The following TMEM161B variants were observed in gnomAD, a reference collection of about 807,000 sequenced individuals.
The protein encoded by TMEM161B is transmembrane protein 161B.
Under a neutral mutation model 61.8 loss-of-function variants are expected in TMEM161B, and 34 were observed. The observed-to-expected ratio is 0.55, with a 90% CI of 0.42 to 0.73. The LOEUF (loss-of-function observed/expected upper bound fraction) is 0.73, where lower values mean the gene tolerates loss of function less well. Among genes scored for constraint, TMEM161B ranks in the 30% least tolerant of loss-of-function variants. The pLI, the probability that TMEM161B is intolerant of heterozygous loss-of-function variation, is 0.00. For synonymous variants in TMEM161B, 167 were observed against 192.8 expected (o/e 0.87, Z 1.11); for missense variants, 456 against 558.5 (o/e 0.82, Z 1.85).
At chr5:88,236,017 T>C (rs1751786989) in intron 2 of TMEM161B, among the ~76,000 whole-genome samples, 2 of 152,118 alleles carry the variant, frequency 1.3e-5, no homozygotes, top group African/African-American at 4.8e-5. Context: ...TTCCCTTAGG[T>C]CATAGGTCCC....
At chr5:88,255,252 T>A (rs919586725) in intron 1 of TMEM161B, among the ~76,000 whole-genome samples, 1 of 152,148 alleles carries the variant, frequency 6.6e-6, no homozygotes, top group Non-Finnish European at 1.5e-5. Flanking sequence ...CCAAAGCTGA[T>A]AAAAGCAGCA....
chr5:88,199,407 T>C, intron 9 of TMEM161B: 1 of 296,000 alleles, frequency 3.4e-6, no homozygotes. Context: ...CATGAGATCC[T>C]TTTCTCTATA....
chr5:88,221,890 C>T (rs769171192), intron 4 of TMEM161B: 21 of 353,508 alleles, frequency 5.9e-5, no homozygotes, highest in Non-Finnish European at 8.0e-5. Flanking sequence ...CTTGAAGATA[C>T]GATATCCTTA....
intron 5 of TMEM161B, among the ~76,000 whole-genome samples, chr5:88,209,106 G>A (rs1052289657): frequency 1.3e-5 from 2 of 152,060 alleles, no homozygotes; most frequent in Non-Finnish European, 2.9e-5. Context: ...TTGGATTTTG[G>A]AGCATTTCGG....
chr5:88,204,765 G>T (rs1440040781), intron 8 of TMEM161B, among the ~76,000 whole-genome samples: 1 of 151,400 alleles, frequency 6.6e-6, no homozygotes, highest in Admixed American at 6.6e-5. Context: ...AAAAAAAAAA[G>T]AAGAGGGATG....
At chr5:88,249,940 C>A (rs569133593) in intron 1 of TMEM161B, among the ~76,000 whole-genome samples, 1 of 152,116 alleles carries the variant, frequency 6.6e-6, no homozygotes, top group Non-Finnish European at 1.5e-5. Flanking sequence ...CCTCAGGAAC[C>A]CACAACAAAG....
chr5:88,207,834 T>C (rs1745838893), intron 5 of TMEM161B, among the ~76,000 whole-genome samples: 1 of 152,170 alleles, frequency 6.6e-6, no homozygotes, highest in South Asian at 2.1e-4. Flanking sequence ...CACCAAATTG[T>C]TCTCCTTGAA....
At chr5:88,237,989 C>T (rs1241704034) in intron 2 of TMEM161B, among the ~76,000 whole-genome samples, 1 of 152,018 alleles carries the variant, frequency 6.6e-6, no homozygotes, top group African/African-American at 2.4e-5. Context: ...GGGGACCATC[C>T]AATGCCCCCA....
chr5:88,219,891 G>C (rs1373479251), intron 5 of TMEM161B, among the ~76,000 whole-genome samples: 1 of 152,082 alleles, frequency 6.6e-6, no homozygotes, highest in African/African-American at 2.4e-5. Flanking sequence ...GATCTAGACA[G>C]GGGTAGAGGG....
At chr5:88,204,816 T>C (rs757946894) in intron 8 of TMEM161B, among the ~76,000 whole-genome samples, 16 of 149,284 alleles carry the variant, frequency 1.1e-4, no homozygotes, top group Non-Finnish European at 2.2e-4. Flanking sequence ...TAAACACATG[T>C]ACAAAGCTTA....
downstream of TMEM161B, among the ~76,000 whole-genome samples, chr5:88,191,878 A>G (rs1748913724): frequency 7.0e-6 from 1 of 143,112 alleles, no homozygotes. Context: ...AATGGCGTGA[A>G]CCCGGGAGGC....
chr5:88,220,763 A>G (rs775409442), intron 4 of TMEM161B, 44 bp from the exon 5 acceptor site: 1 of 1,504,870 alleles, frequency 6.6e-7, no homozygotes, highest in Non-Finnish European at 8.9e-7. Context: ...GTCAAAAAAA[A>G]CAGTTTCACT....
chr5:88,250,823 G>C (rs1226455992), intron 1 of TMEM161B: 1 of 152,208 alleles, frequency 6.6e-6, no homozygotes. Context: ...GTGGAAGGCT[G>C]AGAGATAGCA....
intron 9 of TMEM161B, chr5:88,202,343 G>T (rs1744574941): frequency 3.9e-6 from 1 of 258,048 alleles, no homozygotes; most frequent in African/African-American, 2.2e-5. Context: ...CCTAACTGTA[G>T]AAATATAAAC....
rs766611553 is a variant in TMEM161B at position 88,205,892 on chromosome 5, GC to G, written c.721del (p.Ala241LeufsTer3). The G allele has an allele frequency of 6.2e-7, 1 of 1,612,542 alleles. No homozygotes were observed. The highest frequency in any genetic ancestry group is 2.2e-5 in the East Asian group (1 of 44,720). On this transcript the variant is annotated frameshift_variant, in exon 8 of 12. Coordinates refer to ENST00000296595, the MANE Select transcript of TMEM161B (RefSeq NM_153354.5). LOFTEE classifies it high-confidence loss of function. The stretch of plus-strand genomic sequence containing the variant: ...TCGTAATCCAGGAAATGTCAAAAAA[GC>G]CCCAATGAATGAACAGAAAATAGCC... ...FLAIFCSFIG[A>X]FLTFPGLRLA...
chr5:88,264,838 C>A (rs1756159107), intron 1 of TMEM161B, among the ~76,000 whole-genome samples: 4 of 151,430 alleles, frequency 2.6e-5, no homozygotes, highest in Admixed American at 2.6e-4. Context: ...AACACAGGAA[C>A]AGAAAACCAA....
At chr5:88,214,861 A>C (rs1006159901) in intron 5 of TMEM161B, among the ~76,000 whole-genome samples, 15 of 152,190 alleles carry the variant, frequency 9.9e-5, no homozygotes, top group African/African-American at 3.1e-4. Flanking sequence ...GATGGCTGAG[A>C]TGCATGAACA....
intron 11 of TMEM161B, among the ~76,000 whole-genome samples, chr5:88,196,836 A>G (rs1749737233): frequency 6.6e-6 from 1 of 152,152 alleles, no homozygotes; most frequent in Non-Finnish European, 1.5e-5. Flanking sequence ...ATAACTTCTG[A>G]GAAATCTTTT....
chr5:88,258,474 C>G (rs1308629677), intron 1 of TMEM161B, among the ~76,000 whole-genome samples: 1 of 152,000 alleles, frequency 6.6e-6, no homozygotes, highest in East Asian at 1.9e-4. Context: ...ATTTAACCAT[C>G]AATAAAAACA....
Sources: allele counts gnomAD v4.1 joint callset (sites outside exome capture counted in the v4.1 genomes callset), GRCh38; gene constraint gnomAD v4.1.1; transcripts MANE v1.5; gene names NCBI Gene and HGNC (gene_info 2026-07-23, HGNC 2026-07-21).